The following PPHLN1 variants were observed in gnomAD, a reference collection of about 807,000 sequenced individuals.
PPHLN1 encodes periphilin 1.
PPHLN1 carries 29 observed loss-of-function variants against 51.3 expected under a neutral mutation model. The observed-to-expected ratio is 0.57, with a 90% CI of 0.42 to 0.77. The LOEUF (loss-of-function observed/expected upper bound fraction) is 0.77, where lower values mean the gene tolerates loss of function less well. Among genes scored for constraint, PPHLN1 ranks in the 30% least tolerant of loss-of-function variants. The pLI, the probability that PPHLN1 is intolerant of heterozygous loss-of-function variation, is 0.00. For synonymous variants in PPHLN1, 147 were observed against 147.8 expected (o/e 0.99, Z 0.04); for missense variants, 436 against 438.4 (o/e 0.99, Z 0.05).
At chr12:42,399,394 A>G in intron 9 of PPHLN1, 1 of 895,822 alleles carries the variant, frequency 1.1e-6, no homozygotes, top group Non-Finnish European at 1.3e-6. Flanking sequence ...TCCAAATATT[A>G]AAGGAAAAAT....
intron 9 of PPHLN1, among the ~76,000 whole-genome samples, chr12:42,437,179 T>C (rs1311560338): frequency 6.6e-6 from 1 of 152,246 alleles, no homozygotes; most frequent in African/African-American, 2.4e-5. Flanking sequence ...GTGAATATCC[T>C]ATGCTCTAGG....
intron 2 of PPHLN1, among the ~76,000 whole-genome samples, chr12:42,350,820 C>T (rs955679975): frequency 6.6e-6 from 1 of 152,098 alleles, no homozygotes; most frequent in African/African-American, 2.4e-5. Flanking sequence ...AAAAACCAGT[C>T]AGGCATGGCG....
At chr12:42,337,039 C>A (rs1205239436) in intron 2 of PPHLN1, among the ~76,000 whole-genome samples, 1 of 152,070 alleles carries the variant, frequency 6.6e-6, no homozygotes, top group East Asian at 1.9e-4. Context: ...TCAGGATGGC[C>A]AGACTTAATT....
chr12:42,344,188 C>T (rs1404013974), intron 2 of PPHLN1, among the ~76,000 whole-genome samples: 2 of 151,962 alleles, frequency 1.3e-5, no homozygotes, highest in Admixed American at 1.3e-4. Flanking sequence ...TAAATAAGAC[C>T]AATAAAGGTT....
At chr12:42,445,657 A>T, downstream of PPHLN1, 1 of 236,328 alleles carries the variant, frequency 4.2e-6, no homozygotes, top group Admixed American at 5.0e-5. Flanking sequence ...AGCGTCCAAC[A>T]TTCCACAGGC....
chr12:42,376,389 A>G (rs1307485477), intron 5 of PPHLN1, among the ~76,000 whole-genome samples: 2 of 152,246 alleles, frequency 1.3e-5, no homozygotes, highest in East Asian at 1.9e-4. Flanking sequence ...TTTATTGTCT[A>G]CTCTTTGCAG....
intron 5 of PPHLN1, among the ~76,000 whole-genome samples, chr12:42,380,517 A>G (rs1020621937): frequency 1.3e-5 from 2 of 152,138 alleles, no homozygotes; most frequent in African/African-American, 2.4e-5. Flanking sequence ...TGGAAGATAG[A>G]GTCCATTTTT....
At chr12:42,338,968 G>A (rs565833079) in intron 2 of PPHLN1, among the ~76,000 whole-genome samples, 14 of 152,280 alleles carry the variant, frequency 9.2e-5, no homozygotes, top group African/African-American at 2.4e-4. Flanking sequence ...AGCATATTGC[G>A]GAAAAATCTA....
At chr12:42,360,827 TTGTTTG>T (rs1565822692) in intron 4 of PPHLN1, among the ~76,000 whole-genome samples, 1 of 152,036 alleles carries the variant, frequency 6.6e-6, no homozygotes. Flanking sequence ...GCTGCACATG[TTGTTTG>T]TGTCCTTATT....
chr12:42,396,417 T>A (rs145395688), intron 8 of PPHLN1, among the ~76,000 whole-genome samples: 1 of 151,968 alleles, frequency 6.6e-6, no homozygotes, highest in Non-Finnish European at 1.5e-5. Context: ...ATCAAGAAGG[T>A]TGCAGTCAAG....
chr12:42,333,288 C>A (rs1362184340), intron 1 of PPHLN1, among the ~76,000 whole-genome samples: 1 of 152,034 alleles, frequency 6.6e-6, no homozygotes, highest in African/African-American at 2.4e-5. Flanking sequence ...CTGATTGGTT[C>A]AGCAATTTAA....
At chr12:42,426,342 CT>C (rs2081497425) in intron 9 of PPHLN1, among the ~76,000 whole-genome samples, 2 of 152,064 alleles carry the variant, frequency 1.3e-5, no homozygotes, top group Admixed American at 1.3e-4. Flanking sequence ...GTTCATTTAT[CT>C]TTGCTAAGGA....
chr12:42,430,532 C>G (rs145404305), intron 9 of PPHLN1, among the ~76,000 whole-genome samples: 21 of 152,060 alleles, frequency 1.4e-4, no homozygotes, highest in African/African-American at 5.1e-4. Context: ...ACGGAGTACC[C>G]AGGCTGGCGT....
chr12:42,351,296 T>A (rs1033807021), intron 2 of PPHLN1: 2 of 152,220 alleles, frequency 1.3e-5, no homozygotes, highest in South Asian at 2.1e-4. Flanking sequence ...ACTCATTTTT[T>A]AAAACATTAA....
intron 6 of PPHLN1, among the ~76,000 whole-genome samples, chr12:42,385,246 T>C (rs1209541465): frequency 2.0e-5 from 3 of 152,218 alleles, no homozygotes; most frequent in African/African-American, 4.8e-5. Context: ...CATTGGAAGA[T>C]AGGACCTGAC....
At chr12:42,369,147 C>T (rs1395489763) in intron 4 of PPHLN1, among the ~76,000 whole-genome samples, 1 of 152,200 alleles carries the variant, frequency 6.6e-6, no homozygotes, top group African/African-American at 2.4e-5. Flanking sequence ...CATATAGCCA[C>T]AGTGCCTAAA....
chr12:42,355,229 G>A lies in PPHLN1; in HGVS notation c.299+7G>A. The A allele has an allele frequency of 1.2e-6, 2 of 1,610,634 alleles. No homozygotes were observed. The highest frequency in any genetic ancestry group is 1.7e-6 in the Non-Finnish European group (2 of 1,177,158). On this transcript the variant is annotated splice_region_variant and intron_variant, in intron 4 of 9. Coordinates refer to ENST00000358314, the MANE Select transcript of PPHLN1 (RefSeq NM_201439.2). ...GCAGGCAACCTGAATACAGGTAAAA[G>A]GATAAAAATAATAGCATAAGTACTT...
downstream of PPHLN1, chr12:42,445,978 CTT>C: frequency 6.6e-7 from 1 of 1,504,658 alleles, no homozygotes. Flanking sequence ...CTCAGGCCCT[CTT>C]TGGATTCCAG....
Position 42,342,108 on chromosome 12 carries a change from T to C in PPHLN1, c.72+6134T>C, listed in dbSNP as rs564575096. Among the ~76,000 whole-genome samples the C allele has an allele frequency of 6.1e-4, 93 of 152,344 alleles. 2 individuals are homozygous for C. Among genetic ancestry groups the C allele is most frequent in the Admixed American group, 4.2e-3 (64 of 15,308 alleles). ...AGGAAATCAGTCACCACAGAATATCTACACTTCTAGGTACCTGTAAAGCTC... is the reference window on the plus strand; with the variant it reads ...AGGAAATCAGTCACCACAGAATATCCACACTTCTAGGTACCTGTAAAGCTC... On this transcript the variant is annotated intron_variant, in intron 2 of 9. Transcript: ENST00000358314.
Sources: gnomAD v4.1 joint callset for allele counts (sites outside exome capture counted in the v4.1 genomes callset) on GRCh38, gnomAD v4.1.1 for gene constraint, MANE v1.5 for transcripts, NCBI Gene and HGNC (gene_info 2026-07-23, HGNC 2026-07-21) for gene names.